DNAH3: variants seen among roughly 807,000 people sequenced by gnomAD.
DNAH3 encodes axonemal beta dynein heavy chain 3.
Under a neutral mutation model 432.5 loss-of-function variants are expected in DNAH3, and 332 were observed. That is an observed-to-expected ratio of 0.77 (90% CI 0.70 to 0.84). The LOEUF (loss-of-function observed/expected upper bound fraction) is 0.84. Among genes scored for constraint, DNAH3 ranks in the 40% least tolerant of loss-of-function variants. The pLI is 0.00. For missense variants in DNAH3, 4,861 were observed against 5,114.0 expected, an observed-to-expected ratio of 0.95 and a Z score of 1.51; for synonymous variants, 1,956 against 1,900.2, an observed-to-expected ratio of 1.03 and a Z score of -0.76.
At chr16:21,103,175 GA>G (rs1194305967) in intron 16 of DNAH3, among the ~76,000 whole-genome samples, 3 of 152,230 alleles carry the variant, frequency 2.0e-5, no homozygotes, top group African/African-American at 7.2e-5. Flanking sequence ...GAAAGGGTAG[GA>G]GGGGGGTGAG....
At chr16:21,019,806 A>G in exon 41 of DNAH3, 2 of 1,614,138 alleles carry the variant, frequency 1.2e-6, no homozygotes, top group Non-Finnish European at 1.7e-6. Context: ...CCAGAGAAAG[A>G]TCTGTTGACT....
intron 59 of DNAH3, among the ~76,000 whole-genome samples, chr16:20,938,558 G>C (rs1308017481): frequency 1.3e-5 from 2 of 151,508 alleles, no homozygotes; most frequent in Non-Finnish European, 2.9e-5. Context: ...CTAGTTTTAA[G>C]GTTTTAGTAC....
At chr16:21,014,263 G>T (rs538890947) in intron 41 of DNAH3, among the ~76,000 whole-genome samples, 8 of 152,250 alleles carry the variant, frequency 5.3e-5, no homozygotes, top group Admixed American at 1.3e-4. Flanking sequence ...TATTCCACTT[G>T]ATTATTATTA....
rs762713769 is a variant in DNAH3, at chr16:21,117,209, G to A, written c.1808C>T (p.Pro603Leu). The A allele has an allele frequency of 1.9e-6, 3 of 1,598,022 alleles. No individual in the cohort carries two copies. The Admixed American group carries it at 5.4e-5, about 29-fold the overall frequency. ...AATTTATAACTCAACTTACTTGCAGGGGCCAACTTGATTTTTCTGAAATAC... is the reference window on the plus strand; with the variant it reads ...AATTTATAACTCAACTTACTTGCAGAGGCCAACTTGATTTTTCTGAAATAC... Residue 603 changes from proline (P) to leucine (L), a missense_variant, in exon 12 of 62, where the codon CCC (proline) becomes CTC (leucine). By Grantham distance (98) the Pro-to-Leu change is moderately conservative. Coordinates refer to ENST00000261383, the Ensembl canonical transcript of DNAH3.
exon 47 of DNAH3, chr16:20,987,431 G>T: frequency 6.2e-7 from 1 of 1,614,034 alleles, no homozygotes. Flanking sequence ...TCCAAAGCCG[G>T]ATACATTTTT....
intron 49 of DNAH3, among the ~76,000 whole-genome samples, chr16:20,980,221 A>T (rs991524264): frequency 3.3e-4 from 32 of 97,408 alleles, no homozygotes; most frequent in African/African-American, 1.3e-3. Flanking sequence ...TATTATTTAT[A>T]TTATTTATTT....
chr16:21,134,574 T>G, intron 6 of DNAH3, 120 bp from the exon 8 acceptor site: 1 of 854,172 alleles, frequency 1.2e-6, no homozygotes, highest in South Asian at 2.0e-5. Context: ...GCCAGGCTGG[T>G]CTCAAACTCC....
intron 20 of DNAH3, among the ~76,000 whole-genome samples, chr16:21,076,469 A>T (rs535507741): frequency 5.1e-4 from 78 of 152,320 alleles, no homozygotes; most frequent in African/African-American, 1.9e-3. Flanking sequence ...AACAAAAATT[A>T]TGAGAGGTCA....
In DNAH3 at chr16:20,959,312, T is replaced by C. The variant is rs140362873; in HGVS notation, c.10693A>G (p.Met3565Val). ...CCGTCTTTGATGGCATTGTTGATCATTTTGGCAGCAATAGGGCCTTGGCCT... is the reference window on the plus strand; with the variant it reads ...CCGTCTTTGATGGCATTGTTGATCACTTTGGCAGCAATAGGGCCTTGGCCT... The change falls in exon 54 of 62, where the codon ATG becomes GTG. Residue 3565 changes from methionine (M) to valine (V), a missense_variant. Physicochemically the swap from Met to Val is conservative, Grantham distance 21. Transcript: ENST00000261383. 59 of 1,614,176 alleles carry C rather than the reference T, an allele frequency of 3.7e-5. No individual in the cohort carries two copies. Among genetic ancestry groups the C allele is most frequent in the Non-Finnish European group, 4.8e-5 (57 of 1,180,036 alleles).
intron 42 of DNAH3, among the ~76,000 whole-genome samples, chr16:21,001,624 A>T (rs1413279896): frequency 6.6e-6 from 1 of 152,216 alleles, no homozygotes; most frequent in East Asian, 1.9e-4. Context: ...AAGAGAAGTA[A>T]CAGGTGCTTA....
At position 20,954,798 on chromosome 16, in the gene DNAH3, A is replaced by G. The variant is rs371258278; in HGVS notation, c.11071+15T>C. The G allele has an allele frequency of 1.1e-5, 18 of 1,612,652 alleles. No individual in the cohort carries two copies. In the African/African-American group the frequency reaches 1.5e-4, roughly 13 times the overall value. ...CCTTTCCCTCAGGCCACTCAGGTGC[A>G]CTGTCATCGCTTACCTAGGGGGCCG... On this transcript the variant is annotated intron_variant, in intron 55 of 61. Coordinates refer to ENST00000261383, the Ensembl canonical transcript of DNAH3.
At chr16:21,124,102 G>A (rs557391294) in intron 9 of DNAH3, among the ~76,000 whole-genome samples, 1 of 151,988 alleles carries the variant, frequency 6.6e-6, no homozygotes, top group South Asian at 2.1e-4. Context: ...AGTGTTTTTA[G>A]TTTTCATTTT....
At chr16:21,012,740 C>T (rs942758506) in intron 41 of DNAH3, among the ~76,000 whole-genome samples, 3 of 152,104 alleles carry the variant, frequency 2.0e-5, no homozygotes, top group Admixed American at 6.6e-5. Flanking sequence ...TAGAATGCAT[C>T]GTGGGCAATA....
chr16:21,141,282 C>T lies in DNAH3; in HGVS notation c.521+18G>A. Reference sequence around the variant, plus strand: ...GCCCACCGTCCTGCCTTCTCTGGTGCCCACAGTGATATCTTACCTAGTGGA... The same window carrying T: ...GCCCACCGTCCTGCCTTCTCTGGTGTCCACAGTGATATCTTACCTAGTGGA... On this transcript the variant is annotated intron_variant, in intron 4 of 61. Coordinates refer to ENST00000261383, the Ensembl canonical transcript of DNAH3. 1 of 1,564,344 alleles carries T rather than the reference C, an allele frequency of 6.4e-7. No homozygotes were observed.
intron 50 of DNAH3, among the ~76,000 whole-genome samples, chr16:20,976,699 G>A (rs1282359601): frequency 1.3e-5 from 2 of 152,178 alleles, no homozygotes; most frequent in African/African-American, 4.8e-5. Context: ...GTTAGAAGAG[G>A]TCATAAGGGT....
intron 1 of DNAH3, among the ~76,000 whole-genome samples, chr16:21,154,561 C>T (rs908308194): frequency 4.6e-5 from 7 of 152,196 alleles, no homozygotes; most frequent in African/African-American, 1.7e-4. Flanking sequence ...GCTTATTGAG[C>T]ATATACTATG....
chr16:20,981,144 C>T (rs2085878351), intron 49 of DNAH3, among the ~76,000 whole-genome samples: 1 of 152,160 alleles, frequency 6.6e-6, no homozygotes, highest in Non-Finnish European at 1.5e-5. Flanking sequence ...ATGAGTTCTG[C>T]AAAGAACTGA....
rs139937623 is a variant in DNAH3, at chr16:20,940,239, T to G, written c.11654+1162A>C. Among the ~76,000 whole-genome samples, 81 of 152,306 alleles carry G rather than the reference T, an allele frequency of 5.3e-4. No homozygotes were observed. The East Asian group carries it at 0.011, about 20-fold the overall frequency. ...CTGAATCTCAGAGTTTTTTTTTATT[T>G]TCTTTAAGAGATGGGGTCTTGCCAT... On this transcript the variant is annotated intron_variant, in intron 59 of 61. Transcript: ENST00000261383.
At chr16:20,953,264 T>C (rs544093385) in intron 55 of DNAH3, among the ~76,000 whole-genome samples, 78 of 152,066 alleles carry the variant, frequency 5.1e-4, no homozygotes, top group African/African-American at 1.8e-3. Flanking sequence ...GTTCAAGAGA[T>C]TCTCCTGTCT....
Sources: allele counts gnomAD v4.1 joint callset (sites outside exome capture counted in the v4.1 genomes callset), GRCh38; gene constraint gnomAD v4.1.1; transcripts MANE v1.5; gene names NCBI Gene and HGNC (gene_info 2026-07-23, HGNC 2026-07-21).